OR6J1: variants seen among roughly 807,000 people sequenced by gnomAD.
OR6J1 encodes olfactory receptor family 6 subfamily J member 1.
For synonymous variants in OR6J1, 109 were observed against 70.0 expected (o/e 1.56, Z -2.78); for missense variants, 304 against 166.8 (o/e 1.82, Z -4.53).
chr14:22,642,959 C>T (rs559300407), intron 1 of OR6J1, among the ~76,000 whole-genome samples: 11 of 150,836 alleles, frequency 7.3e-5, no homozygotes, highest in African/African-American at 2.2e-4. Flanking sequence ...CACACCATCA[C>T]ACCTGGATAA....
rs977058350 is a variant in OR6J1, at chr14:22,633,641, G to T, written c.*127C>A. 1.9e-4 allele frequency: 113 copies of T among 597,066 alleles called. 1 individual carries two copies. In the East Asian group the frequency reaches 3.1e-3, roughly 16 times the overall value. The allele number at this position is 597,066 out of a possible 1,614,324, so 37.0% of individuals were successfully genotyped here. On this transcript the variant is annotated 3_prime_UTR_variant, in exon 2 of 2. Transcript: ENST00000540461. ...TCAGAATGGCTGGTGACACAGCTGC[G>T]GTCACAGATTAAAGTGAAAACCAAG...
At chr14:22,640,476 T>G (rs1372406154) in intron 1 of OR6J1, among the ~76,000 whole-genome samples, 1 of 146,056 alleles carries the variant, frequency 6.8e-6, no homozygotes, top group African/African-American at 2.6e-5. Context: ...CAACCAACAG[T>G]GAGAATGTAT....
rs1566394250 is a variant in OR6J1, at chr14:22,634,431, GC to G, written c.380del (p.Cys127SerfsTer9). 2.8e-6 allele frequency: 2 copies of G among 703,444 alleles called. No individual in the cohort carries two copies. The highest frequency in any genetic ancestry group is 4.0e-5 in the Admixed American group (2 of 50,020). 43.6% of individuals were successfully genotyped at this position (703,444 alleles called of 1,614,324 possible). A position where few individuals can be genotyped will look rare whatever the true frequency, so the allele number is the denominator to read the frequency against. ...MSYDRYATICCPLRYTTIMRP... is the reference protein window; with the variant it reads ...MSYDRYATICXPLRYTTIMRP... ...TCATGATGGTGGTGTACCGCAGGGG[GC>G]AGCAGATGGTGGCATAACGGTCATA... is the stretch of plus-strand genomic sequence containing the variant. On this transcript the variant is annotated frameshift_variant, in exon 2 of 2. Transcript: ENST00000540461. LOFTEE classifies it low-confidence loss of function (END_TRUNC).
At chr14:22,642,809 A>T (rs2139299640) in intron 1 of OR6J1, among the ~76,000 whole-genome samples, 1 of 151,728 alleles carries the variant, frequency 6.6e-6, no homozygotes, top group South Asian at 2.1e-4. Flanking sequence ...TTTTATTTTT[A>T]AATTTTTTTT....
rs71421136 is a variant in OR6J1 at position 22,643,762 on chromosome 14, C to CAGAG, written c.-28+335_-28+336insCTCT. ...ACACACACACACACACACACACACA[C>CAGAG]ACAGAGAGAGAGAGAGAGAGAGAGA... On this transcript the variant is annotated intron_variant, in intron 1 of 1. Coordinates refer to ENST00000540461, the MANE Select transcript of OR6J1 (RefSeq NM_001348233.2). 6.3e-3 allele frequency among the ~76,000 whole-genome samples: 335 copies of CAGAG among 53,086 alleles called. 2 individuals carry two copies. The highest frequency in any genetic ancestry group is 0.017 in the East Asian group (20 of 1,144). 34.8% of individuals were successfully genotyped at this position (53,086 alleles called of 152,430 possible). A position where few individuals can be genotyped will look rare whatever the true frequency, so the allele number is the denominator to read the frequency against.
At position 22,634,346 on chromosome 14, in the gene OR6J1, G is replaced by T. The variant is rs758955630; in HGVS notation, c.466C>A (p.Leu156Ile). 4.3e-6 allele frequency: 3 copies of T among 703,320 alleles called. No individual in the cohort carries two copies. In the South Asian group the frequency reaches 4.4e-5, roughly 10 times the overall value. The allele number at this position is 703,320 out of a possible 1,614,324, so 43.6% of individuals were successfully genotyped here. ...FSWVGGFLSV[L>I]FPTILISQLP... The stretch of plus-strand genomic sequence containing the variant: ...TGGGAGATGAGGATGGTTGGAAAGA[G>T]CACAGACAGGAAGCCTCCCACCCAA... Residue 156 changes from leucine (L) to isoleucine (I), a missense_variant, in exon 2 of 2, where the codon CTC becomes ATC. Leu to Ile is a conservative substitution (Grantham distance 5). Coordinates refer to ENST00000540461, the MANE Select transcript of OR6J1 (RefSeq NM_001348233.2).
chr14:22,635,533 T>C (rs890097434), intron 1 of OR6J1, among the ~76,000 whole-genome samples: 2 of 152,178 alleles, frequency 1.3e-5, no homozygotes, highest in African/African-American at 2.4e-5. Flanking sequence ...CAAGAAGACA[T>C]TGCTGAAGAA....
At chr14:22,642,763 T>C in intron 1 of OR6J1, among the ~76,000 whole-genome samples, 1 of 152,138 alleles carries the variant, frequency 6.6e-6, no homozygotes, top group Non-Finnish European at 1.5e-5. Context: ...GTCCTTTGTA[T>C]CTAGCTTCTT....
At chr14:22,643,958 A>T (rs1419367304) in intron 1 of OR6J1, 140 bp downstream of exon 1, 4 of 152,184 alleles carry the variant, frequency 2.6e-5, no homozygotes, top group African/African-American at 7.2e-5. Flanking sequence ...ATAAGGTGCA[A>T]CTGCACCCAC....
chr14:22,643,088 C>T (rs538324583), intron 1 of OR6J1, among the ~76,000 whole-genome samples: 111 of 151,958 alleles, frequency 7.3e-4, no homozygotes, highest in Non-Finnish European at 1.2e-3. Flanking sequence ...CAGCCTCAGC[C>T]TCCCAAGTAG....
Position 22,633,634 on chromosome 14 carries a change from C to T in OR6J1, c.*134G>A, listed in dbSNP as rs1233811537. On this transcript the variant is annotated 3_prime_UTR_variant, in exon 2 of 2. Transcript: ENST00000540461. ...CTGAGAGTCAGAATGGCTGGTGACA[C>T]AGCTGCGGTCACAGATTAAAGTGAA... 3 of 596,982 alleles carry T rather than the reference C, an allele frequency of 5.0e-6. No individual in the cohort carries two copies. Among genetic ancestry groups the T allele is most frequent in the Non-Finnish European group, 8.9e-6 (3 of 337,444 alleles). The allele number at this position is 596,982 out of a possible 1,614,324, so 37.0% of individuals were successfully genotyped here.
chr14:22,638,819 G>GAACCA (rs2037617446), intron 1 of OR6J1, among the ~76,000 whole-genome samples: 1 of 140,194 alleles, frequency 7.1e-6, no homozygotes, highest in African/African-American at 2.9e-5. Flanking sequence ...CTGCCTGGCT[G>GAACCA]CCCAGTCTGG....
chr14:22,640,900 G>A (rs1179775374), intron 1 of OR6J1, among the ~76,000 whole-genome samples: 1 of 151,354 alleles, frequency 6.6e-6, no homozygotes, highest in Non-Finnish European at 1.5e-5. Flanking sequence ...TGGGCATGGT[G>A]GCTAACGCGT....
At position 22,637,209 on chromosome 14, in the gene OR6J1, C is replaced by T. The variant is rs1354338025; in HGVS notation, c.-27-2371G>A. Among the ~76,000 whole-genome samples, 804 of 94,160 alleles carry T rather than the reference C, an allele frequency of 8.5e-3. 57 individuals are homozygous for T. The highest frequency in any genetic ancestry group is 0.028 in the Middle Eastern group (5 of 180). The allele number at this position is 94,160 out of a possible 152,430, so 61.8% of individuals were successfully genotyped here. ...CCGTCTGAGAAGTGAGGAGCCCCTC[C>T]GTCCGGCAGCCACCCCGTCTGGGAA... On this transcript the variant is annotated intron_variant, in intron 1 of 1. Transcript: ENST00000540461.
rs1555310982 is a variant in OR6J1 at position 22,641,266 on chromosome 14, A to AAAGG, written c.-28+2828_-28+2831dup. 2.4e-3 allele frequency among the ~76,000 whole-genome samples: 295 copies of AAAGG among 122,880 alleles called. 15 individuals are homozygous for AAAGG. Among genetic ancestry groups the AAAGG allele is most frequent in the Middle Eastern group, 4.1e-3 (1 of 242 alleles). 80.6% of individuals were successfully genotyped at this position (122,880 alleles called of 152,430 possible). A position where few individuals can be genotyped will look rare whatever the true frequency, so the allele number is the denominator to read the frequency against. ...GAAAGAAAGAAAGAAAGAAAGAAAG[A>AAAGG]AAGGAAGGAAGGAAGAAAGAGAAGA... On this transcript the variant is annotated intron_variant, in intron 1 of 1. Coordinates refer to ENST00000540461, the MANE Select transcript of OR6J1 (RefSeq NM_001348233.2).
In OR6J1 at chr14:22,634,572, C is replaced by T; in HGVS notation, c.240G>A (p.Val80=). 1 of 710,736 alleles carries T rather than the reference C, an allele frequency of 1.4e-6. No homozygotes were observed. The allele number at this position is 710,736 out of a possible 1,614,324, so 44.0% of individuals were successfully genotyped here. A position where few individuals can be genotyped will look rare whatever the true frequency, so the allele number is the denominator to read the frequency against. Residue 80 remains valine, a synonymous_variant, in exon 2 of 2, where the codon GTG becomes GTA. Coordinates refer to ENST00000540461, the MANE Select transcript of OR6J1 (RefSeq NM_001348233.2). ...ILFTSVISPK[V]LANLGSRDKT... is the part of the protein sequence containing the mutation. ...TATCCCTAGATCCTAAGTTGGCCAA[C>T]ACTTTTGGAGAGATGACTGAGGTGA...
Position 22,634,096 on chromosome 14 carries a change from G to A in OR6J1, c.716C>T (p.Thr239Ile), listed in dbSNP as rs182933025. Reference protein sequence around the residue: ...SASGRKKAFNTCASHLTIVII... With the variant: ...SASGRKKAFNICASHLTIVII... The stretch of plus-strand genomic sequence containing the variant: ...GACTATGGTCAGGTGGGAAGCACAG[G>A]TATTAAAGGCCTTCTTCCTTCCACT... The change falls in exon 2 of 2, where the codon ACC (threonine) becomes ATC (isoleucine). Residue 239 changes from threonine (T) to isoleucine (I), a missense_variant. Transcript: ENST00000540461. 4 of 703,078 alleles carry A rather than the reference G, an allele frequency of 5.7e-6. No individual in the cohort carries two copies. The South Asian group carries it at 5.9e-5, about 10-fold the overall frequency. 43.6% of individuals were successfully genotyped at this position (703,078 alleles called of 1,614,324 possible).
chr14:22,637,761 C>T (rs1280877942), intron 1 of OR6J1, among the ~76,000 whole-genome samples: 10 of 73,690 alleles, frequency 1.4e-4, no homozygotes, highest in South Asian at 1.2e-3. Flanking sequence ...CCTGGCCAGC[C>T]GCCCCGTTCG....
rs1158899311 is a variant in OR6J1, at chr14:22,634,733, G to C, written c.79C>G (p.Leu27Val). 1.4e-6 allele frequency: 1 copy of C among 709,608 alleles called. No individual in the cohort carries two copies. The highest frequency in any genetic ancestry group is 2.6e-6 in the Non-Finnish European group (1 of 387,890). 44.0% of individuals were successfully genotyped at this position (709,608 alleles called of 1,614,324 possible). The part of the protein sequence containing the change: ...SLSREVELLL[L>V]VLLLPTFLLT... ...AGGAACGTGGGCAGCAGGAGCACCAGGAGCAGCAGCTCCACCTCCCTGCTC... is the reference window on the plus strand; with the variant it reads ...AGGAACGTGGGCAGCAGGAGCACCACGAGCAGCAGCTCCACCTCCCTGCTC... The change falls in exon 2 of 2, where the codon CTG (leucine) becomes GTG (valine). Residue 27 changes from leucine to valine, a missense_variant. Coordinates refer to ENST00000540461, the MANE Select transcript of OR6J1 (RefSeq NM_001348233.2).
Sources: gnomAD v4.1 joint callset for allele counts (sites outside exome capture counted in the v4.1 genomes callset) on GRCh38, gnomAD v4.1.1 for gene constraint, MANE v1.5 for transcripts, NCBI Gene and HGNC (gene_info 2026-07-23, HGNC 2026-07-21) for gene names.